Variants in ANOS1 observed in about 807,000 individuals in gnomAD.
The protein encoded by ANOS1 is anosmin-1.
In ANOS1, 6 loss-of-function variants were observed where a neutral mutation model predicts 59.0. The observed-to-expected ratio is 0.10, with a 90% CI of 0.06 to 0.20. The LOEUF is 0.20. ANOS1 is among the 10% of genes least tolerant of loss of function. The probability of loss-of-function intolerance (pLI) is 1.00; values close to 1 mark genes in which losing one functional copy is unlikely to be tolerated. For missense variants in ANOS1, 433 were observed against 542.3 expected (o/e 0.80, Z 2.00); for synonymous variants, 217 against 223.4 (o/e 0.97, Z 0.25).
At chrX:8,717,037 A>G (rs941277317) in intron 1 of ANOS1, among the ~76,000 whole-genome samples, 22 of 111,890 alleles carry the variant, frequency 2.0e-4, no homozygotes, top group African/African-American at 7.2e-4. Flanking sequence ...CTGTGGAACC[A>G]TTAAAATGCA....
intron 8 of ANOS1, among the ~76,000 whole-genome samples, chrX:8,557,724 G>A (rs768180557): frequency 1.8e-5 from 2 of 111,997 alleles, no homozygotes; most frequent in Non-Finnish European, 3.8e-5. Context: ...TGCACTGTTG[G>A]TGGGAGTGTA....
chrX:8,541,446 C>CAAA lies in ANOS1; in HGVS notation c.1355-1691_1355-1689dup, dbSNP rs770726780. On this transcript the variant is annotated intron_variant, in intron 9 of 13. Coordinates refer to ENST00000262648, the MANE Select transcript of ANOS1 (RefSeq NM_000216.4). ...AAAACAAAAAAACAAAAAAATAAAA[C>CAAA]AAAAAAAAAACCAGAAGGTAAGGGC... Among the ~76,000 whole-genome samples the CAAA allele has an allele frequency of 1.2e-3, 114 of 91,277 alleles. No individual in the cohort carries two copies. In the Middle Eastern group the frequency reaches 0.018, roughly 14 times the overall value. 79.3% of individuals were successfully genotyped at this position (91,277 alleles called of 115,157 possible).
chrX:8,540,612 G>A (rs936128468), intron 9 of ANOS1, among the ~76,000 whole-genome samples: 16 of 109,752 alleles, frequency 1.5e-4, no homozygotes, highest in African/African-American at 5.3e-4. Context: ...CAGTGTGTCC[G>A]AGGAGTGTGA....
At chrX:8,719,543 G>T (rs1259122387) in intron 1 of ANOS1, among the ~76,000 whole-genome samples, 1 of 111,083 alleles carries the variant, frequency 9.0e-6, no homozygotes. Flanking sequence ...ACCATGCCTG[G>T]CTAATTTTTG....
intron 8 of ANOS1, among the ~76,000 whole-genome samples, chrX:8,562,036 G>C (rs2146801512): frequency 9.1e-6 from 1 of 110,449 alleles, no homozygotes; most frequent in African/African-American, 3.3e-5. Flanking sequence ...CGCCTCCCGG[G>C]TTCAAGCCAT....
At position 8,676,951 on chromosome X, in the gene ANOS1, T is replaced by C. The variant is rs148692090; in HGVS notation, c.255+22747A>G. Among the ~76,000 whole-genome samples, 492 of 111,769 alleles carry C rather than the reference T, an allele frequency of 4.4e-3. 2 individuals carry two copies. The highest frequency in any genetic ancestry group is 8.1e-3 in the African/African-American group (248 of 30,754). On this transcript the variant is annotated intron_variant, in intron 2 of 13. Transcript: ENST00000262648. ...TCTCATTCAAAGAAATGTATTTTCA[T>C]GAGAATATCACTTCCCTGCTCCCAG...
intron 1 of ANOS1, among the ~76,000 whole-genome samples, chrX:8,715,808 C>A (rs1932838658): frequency 9.0e-6 from 1 of 110,591 alleles, no homozygotes; most frequent in Non-Finnish European, 1.9e-5. Flanking sequence ...CCGTGTTGCC[C>A]AGGCTAGACT....
rs202229567 is a variant in ANOS1, at chrX:8,668,394, CATATATATATATAT to C, written c.255+31290_255+31303del. ...TTTTTATGGCTGAATAGTATTCCAT[CATATATATATATAT>C]ATATATATATATATATATATATACA... On this transcript the variant is annotated intron_variant, in intron 2 of 13. Coordinates refer to ENST00000262648, the MANE Select transcript of ANOS1 (RefSeq NM_000216.4). Among the ~76,000 whole-genome samples, 326 of 51,562 alleles carry C rather than the reference CATATATATATATAT, an allele frequency of 6.3e-3. 5 individuals carry two copies. Among genetic ancestry groups the C allele is most frequent in the African/African-American group, 0.021 (296 of 14,001 alleles). The allele number at this position is 51,562 out of a possible 115,157, so 44.8% of individuals were successfully genotyped here. A position where few individuals can be genotyped will look rare whatever the true frequency, so the allele number is the denominator to read the frequency against.
At chrX:8,548,206 T>A (rs1031526808) in intron 9 of ANOS1, among the ~76,000 whole-genome samples, 3 of 112,132 alleles carry the variant, frequency 2.7e-5, no homozygotes, top group African/African-American at 9.7e-5. Context: ...GTCACTTTAA[T>A]TGAAAATGAA....
At chrX:8,619,568 C>T (rs1423292251) in intron 3 of ANOS1, among the ~76,000 whole-genome samples, 1 of 111,469 alleles carries the variant, frequency 9.0e-6, no homozygotes, top group Non-Finnish European at 1.9e-5. Context: ...TGCGCCACTG[C>T]ACTCCAGCCT....
At chrX:8,551,602 A>T (rs1245653927) in intron 9 of ANOS1, among the ~76,000 whole-genome samples, 1 of 107,458 alleles carries the variant, frequency 9.3e-6, no homozygotes, top group Non-Finnish European at 1.9e-5. Context: ...GTGAAACTCC[A>T]TCAAAAAAAA....
At chrX:8,655,007 C>A (rs932496583) in intron 2 of ANOS1, among the ~76,000 whole-genome samples, 1 of 111,310 alleles carries the variant, frequency 9.0e-6, no homozygotes, top group Non-Finnish European at 1.9e-5. Flanking sequence ...AGTCCCCAAC[C>A]TTTTTAGCAC....
At chrX:8,591,070 C>G (rs762164606) in intron 4 of ANOS1, among the ~76,000 whole-genome samples, 3 of 111,639 alleles carry the variant, frequency 2.7e-5, no homozygotes, top group Non-Finnish European at 5.6e-5. Context: ...AGACCAATTC[C>G]TGATCGGAGA....
chrX:8,675,649 A>G (rs1025119742), intron 2 of ANOS1, among the ~76,000 whole-genome samples: 2 of 111,163 alleles, frequency 1.8e-5, no homozygotes, highest in Non-Finnish European at 3.8e-5. Context: ...GAAATTGTTA[A>G]GAGGGGTCTC....
chrX:8,710,079 C>T (rs777584336), intron 1 of ANOS1, among the ~76,000 whole-genome samples: 134 of 110,910 alleles, frequency 1.2e-3, no homozygotes, highest in Middle Eastern at 9.3e-3. Flanking sequence ...TGCAGGTGCC[C>T]GCCACCACGC....
chrX:8,646,366 C>T (rs1381381987), intron 2 of ANOS1, among the ~76,000 whole-genome samples: 1 of 110,743 alleles, frequency 9.0e-6, no homozygotes, highest in Non-Finnish European at 1.9e-5. Flanking sequence ...CTGTAGTAGC[C>T]GCCACCTGTA....
intron 2 of ANOS1, among the ~76,000 whole-genome samples, chrX:8,673,708 G>A (rs965303890): frequency 2.7e-5 from 3 of 111,230 alleles, no homozygotes; most frequent in Non-Finnish European, 5.6e-5. Flanking sequence ...GCCTCGAAAC[G>A]TTAACTCAAC....
intron 6 of ANOS1, among the ~76,000 whole-genome samples, chrX:8,582,384 A>G (rs1455372435): frequency 4.5e-5 from 5 of 112,062 alleles, no homozygotes; most frequent in Non-Finnish European, 9.4e-5. Context: ...GTAAATGCCA[A>G]TATCCTGAAG....
chrX:8,668,410 T>C (rs1373365834), intron 2 of ANOS1, among the ~76,000 whole-genome samples: 1 of 69,564 alleles, frequency 1.4e-5, no homozygotes, highest in East Asian at 4.5e-4. Context: ...TATATATATA[T>C]ATATATATAT....
Sources: allele counts gnomAD v4.1 joint callset (sites outside exome capture counted in the v4.1 genomes callset), GRCh38; gene constraint gnomAD v4.1.1; transcripts MANE v1.5; gene names NCBI Gene and HGNC (gene_info 2026-07-23, HGNC 2026-07-21).